The following CIB2 variants were observed in gnomAD, a reference collection of about 807,000 sequenced individuals.
CIB2 encodes calcium and integrin-binding family member 2.
CIB2 carries 19 observed loss-of-function variants against 23.1 expected under a neutral mutation model. The ratio of observed to expected loss-of-function variants is 0.82; its 90% confidence interval spans 0.57 to 1.21. The LOEUF (loss-of-function observed/expected upper bound fraction) is 1.21, where lower values mean the gene tolerates loss of function less well. Among genes scored for constraint, CIB2 ranks in the 50% most tolerant of loss-of-function variants. CIB2 has a pLI of 0.00. For missense variants in CIB2, 220 were observed against 241.5 expected (o/e 0.91, Z 0.59); for synonymous variants, 94 against 91.7 (o/e 1.03, Z -0.14).
chr15:78,131,417 G>T lies in CIB2; in HGVS notation c.-202C>A, dbSNP rs1180613595. 14 of 210,388 alleles carry T rather than the reference G, an allele frequency of 6.7e-5. No individual in the cohort carries two copies. The South Asian group carries it at 2.5e-3, about 38-fold the overall frequency. 13.0% of individuals were successfully genotyped at this position (210,388 alleles called of 1,614,324 possible). A position where few individuals can be genotyped will look rare whatever the true frequency, so the allele number is the denominator to read the frequency against. ...GGAGGCGGGGACGGGAACCCGGAGC[G>T]GCAGCGACTCCGCCGCCGGCGGGAA... On this transcript the variant is annotated 5_prime_UTR_variant, in exon 1 of 6. Coordinates refer to ENST00000258930, the MANE Select transcript of CIB2 (RefSeq NM_006383.4). The surrounding 1 kb of genome is among the most constrained non-coding windows in gnomAD (Gnocchi z 5.8).
chr15:78,114,053 T>C (rs893558738), intron 2 of CIB2, among the ~76,000 whole-genome samples: 1 of 152,198 alleles, frequency 6.6e-6, no homozygotes, highest in Non-Finnish European at 1.5e-5. Context: ...GTTAATCCAC[T>C]GAAGGATAAG....
Position 78,116,000 on chromosome 15 carries a change from T to TA in CIB2, c.87-4725_87-4724insT, listed in dbSNP as rs1368619104. Among the ~76,000 whole-genome samples the TA allele has an allele frequency of 1.6e-4, 24 of 150,060 alleles. No individual in the cohort carries two copies. In the East Asian group the frequency reaches 4.7e-3, roughly 29 times the overall value. On this transcript the variant is annotated intron_variant, in intron 2 of 5. Transcript: ENST00000258930. ...GAGTCAACTGAAGACAGAAAATATT[T>TA]GGAAAAAAAAAATTGCATCTACGCT...
intron 2 of CIB2, among the ~76,000 whole-genome samples, chr15:78,121,457 T>C (rs1307194952): frequency 2.0e-5 from 3 of 152,112 alleles, no homozygotes; most frequent in South Asian, 2.1e-4. Context: ...ACCCCTGATA[T>C]GGTTTGGCTG....
At chr15:78,107,890 G>T (rs113140474) in intron 4 of CIB2, among the ~76,000 whole-genome samples, 2,294 of 152,310 alleles carry the variant, frequency 0.015, 57 homozygotes, top group African/African-American at 0.052. Flanking sequence ...TGAAACGTCA[G>T]TCTGGGCGTG....
chr15:78,115,321 A>G (rs542351071), intron 2 of CIB2, among the ~76,000 whole-genome samples: 54 of 152,138 alleles, frequency 3.5e-4, no homozygotes, highest in African/African-American at 1.3e-3. Flanking sequence ...GCAGTGGCGC[A>G]ATCTTGGCTC....
intron 2 of CIB2, among the ~76,000 whole-genome samples, chr15:78,122,933 G>C (rs143814228): frequency 5.9e-5 from 9 of 152,210 alleles, no homozygotes; most frequent in Non-Finnish European, 1.2e-4. Flanking sequence ...CCTGACCATC[G>C]ATCTCCAGGG....
intron 1 of CIB2, 100 bp from the exon 2 acceptor site, chr15:78,123,839 A>G: frequency 7.4e-7 from 1 of 1,351,584 alleles, no homozygotes; most frequent in Non-Finnish European, 1.1e-6. Flanking sequence ...ATAGCTCCGG[A>G]CTGGGGACAG....
intron 2 of CIB2, chr15:78,120,735 T>C: frequency 1.0e-6 from 1 of 985,642 alleles, no homozygotes; most frequent in Non-Finnish European, 1.2e-6. Flanking sequence ...TGCCCCAAAG[T>C]TGCCACAGAG....
intron 3 of CIB2, 188 bp from the exon 4 acceptor site, chr15:78,109,570 TA>T: frequency 1.5e-6 from 1 of 659,782 alleles, no homozygotes; most frequent in South Asian, 1.8e-5. Context: ...TTAAATGAGC[TA>T]AAGTATGTAA....
intron 2 of CIB2, among the ~76,000 whole-genome samples, chr15:78,114,617 T>C (rs17478430): frequency 0.3 from 46,005 of 151,910 alleles, 8,377 homozygotes; most frequent in Non-Finnish European, 0.42. Flanking sequence ...GGCACTTGCA[T>C]AGATAGATGA....
intron 3 of CIB2, chr15:78,110,564 T>G (rs2074142111): frequency 2.3e-6 from 1 of 433,150 alleles, no homozygotes; most frequent in African/African-American, 2.0e-5. Flanking sequence ...GCCTTCTTAA[T>G]GCTGAATGCA....
chr15:78,117,649 C>T (rs184443189), intron 2 of CIB2, among the ~76,000 whole-genome samples: 102 of 152,278 alleles, frequency 6.7e-4, no homozygotes, highest in Non-Finnish European at 1.8e-4. Flanking sequence ...ACACTATAAA[C>T]CTGGGTTTCT....
At chr15:78,107,984 C>T (rs1283181593) in intron 4 of CIB2, among the ~76,000 whole-genome samples, 1 of 151,954 alleles carries the variant, frequency 6.6e-6, no homozygotes, top group Non-Finnish European at 1.5e-5. Context: ...CCAGCCTGAC[C>T]AACATGGTGA....
At chr15:78,130,349 G>A (rs1373845197) in intron 1 of CIB2, among the ~76,000 whole-genome samples, 5 of 152,180 alleles carry the variant, frequency 3.3e-5, no homozygotes, top group South Asian at 2.1e-4. Flanking sequence ...GTTTTAAGGC[G>A]GCTGCCATGC....
At chr15:78,122,984 G>A (rs1035720080) in intron 2 of CIB2, among the ~76,000 whole-genome samples, 5 of 152,224 alleles carry the variant, frequency 3.3e-5, no homozygotes, top group African/African-American at 4.8e-5. Context: ...GTGCCACCCA[G>A]GCAGAGGGGC....
chr15:78,107,044 C>A (rs1051183450), intron 4 of CIB2, among the ~76,000 whole-genome samples: 1 of 151,106 alleles, frequency 6.6e-6, no homozygotes, highest in African/African-American at 2.4e-5. Flanking sequence ...CTGGCTAACA[C>A]GGTGAAACCC....
intron 2 of CIB2, among the ~76,000 whole-genome samples, chr15:78,122,652 G>A (rs1485709397): frequency 6.6e-6 from 1 of 152,230 alleles, no homozygotes; most frequent in East Asian, 1.9e-4. Flanking sequence ...CTATTATACA[G>A]AAGAAAACTG....
intron 4 of CIB2, 21 bp from the exon 5 acceptor site, chr15:78,105,955 A>ATGT (rs749971007): frequency 8.0e-5 from 129 of 1,608,504 alleles, no homozygotes; most frequent in Non-Finnish European, 1.0e-4. Flanking sequence ...GGGGTTGGAC[A>ATGT]TGTTCAAGTC....
Position 78,122,402 on chromosome 15 carries a change from G to A in CIB2, c.86+1303C>T, listed in dbSNP as rs545486890. On this transcript the variant is annotated intron_variant, in intron 2 of 5. Transcript: ENST00000258930. Reference sequence around the variant, plus strand: ...TGGGCTTGGCATCTACAAAGGTAGGGAACCCGAAGCTCCCTGTGAGGCTCA... The same window carrying A: ...TGGGCTTGGCATCTACAAAGGTAGGAAACCCGAAGCTCCCTGTGAGGCTCA... Among the ~76,000 whole-genome samples, 11 of 152,278 alleles carry A rather than the reference G, an allele frequency of 7.2e-5. No homozygotes were observed. In the South Asian group the frequency reaches 2.1e-3, roughly 29 times the overall value.
Sources: gnomAD v4.1 joint callset for allele counts (sites outside exome capture counted in the v4.1 genomes callset) on GRCh38, gnomAD v4.1.1 for gene constraint, Gnocchi (gnomAD v3.1) non-coding constraint, MANE v1.5 for transcripts, NCBI Gene and HGNC (gene_info 2026-07-23, HGNC 2026-07-21) for gene names.